TRIO: variants seen among roughly 807,000 people sequenced by gnomAD.
TRIO encodes trio Rho guanine nucleotide exchange factor.
Under a neutral mutation model 351.9 loss-of-function variants are expected in TRIO, and 58 were observed. The observed-to-expected ratio is 0.16, with a 90% CI of 0.13 to 0.21. TRIO has a LOEUF of 0.21. Among genes scored for constraint, TRIO ranks in the 10% least tolerant of loss-of-function variants. The pLI, the probability that TRIO is intolerant of heterozygous loss-of-function variation, is 1.00. For synonymous variants in TRIO, 1,758 were observed against 1,595.7 expected (o/e 1.10, Z -2.42); for missense variants, 3,201 against 4,027.8 (o/e 0.79, Z 5.56).
chr5:14,204,187 T>G (rs1036737942), intron 1 of TRIO, among the ~76,000 whole-genome samples: 1 of 152,232 alleles, frequency 6.6e-6, no homozygotes, highest in Non-Finnish European at 1.5e-5. Context: ...CATCTGTGGT[T>G]GTGCTGCTAG....
chr5:14,198,585 T>C (rs554493199), intron 1 of TRIO, among the ~76,000 whole-genome samples: 1 of 152,320 alleles, frequency 6.6e-6, no homozygotes, highest in East Asian at 1.9e-4. Flanking sequence ...AGAAGTTGGG[T>C]TGGCAACATT....
At chr5:14,178,769 A>G (rs1413405345) in intron 1 of TRIO, among the ~76,000 whole-genome samples, 1 of 152,212 alleles carries the variant, frequency 6.6e-6, no homozygotes, top group Non-Finnish European at 1.5e-5. Context: ...AGTCCAGGAT[A>G]CATAAAGGCA....
intron 1 of TRIO, among the ~76,000 whole-genome samples, chr5:14,240,472 C>G (rs963025461): frequency 1.4e-4 from 21 of 152,178 alleles, no homozygotes; most frequent in African/African-American, 4.1e-4. Flanking sequence ...TCTTTTACAT[C>G]ACAGCAGATT....
chr5:14,435,339 A>T (rs1205851333), intron 34 of TRIO, among the ~76,000 whole-genome samples: 1 of 152,180 alleles, frequency 6.6e-6, no homozygotes, highest in Non-Finnish European at 1.5e-5. Context: ...AAGGGTGCAG[A>T]CTTCCCGAGG....
intron 37 of TRIO, among the ~76,000 whole-genome samples, chr5:14,466,940 C>T (rs1325339176): frequency 6.6e-6 from 1 of 152,140 alleles, no homozygotes; most frequent in Non-Finnish European, 1.5e-5. Flanking sequence ...TTATTCTAAG[C>T]CAGGCGCTGT....
intron 1 of TRIO, among the ~76,000 whole-genome samples, chr5:14,191,877 T>C (rs1313438164): frequency 6.6e-6 from 1 of 152,252 alleles, no homozygotes; most frequent in Non-Finnish European, 1.5e-5. Flanking sequence ...ATTTTGTTGA[T>C]TAACCTTTTT....
chr5:14,146,436 C>G (rs1294637055), intron 1 of TRIO, among the ~76,000 whole-genome samples: 1 of 152,218 alleles, frequency 6.6e-6, no homozygotes, highest in Non-Finnish European at 1.5e-5. Context: ...GTTTGCATGG[C>G]TGCCTGATTT....
chr5:14,365,082 G>A (rs924997654), intron 15 of TRIO, among the ~76,000 whole-genome samples: 1 of 152,190 alleles, frequency 6.6e-6, no homozygotes, highest in African/African-American at 2.4e-5. Flanking sequence ...ACAGCCCTTG[G>A]CTTCTTTCAG....
At chr5:14,245,520 G>T (rs1013451606) in intron 1 of TRIO, among the ~76,000 whole-genome samples, 1 of 152,226 alleles carries the variant, frequency 6.6e-6, no homozygotes, top group Non-Finnish European at 1.5e-5. Context: ...GGTTTCTTGA[G>T]AGCTGTGCTT....
intron 1 of TRIO, among the ~76,000 whole-genome samples, chr5:14,151,544 C>T (rs989820735): frequency 2.6e-5 from 4 of 152,028 alleles, no homozygotes; most frequent in East Asian, 1.9e-4. Context: ...TCAAAGAACT[C>T]GTGTTTCCTA....
rs1159689033 is a variant in TRIO, at chr5:14,479,273, C to T, written c.6166C>T (p.His2056Tyr). Reference protein sequence around the residue: ...SLFVKHERRLHMYIAYCQNKP... With the variant: ...SLFVKHERRLYMYIAYCQNKP... ...TTTTTATTCCTAGGAGAGAAGGTTG[C>T]ACATGTACATAGCTTATTGTCAAAA... The change falls in exon 42 of 57, where the codon CAC becomes TAC. Residue 2056 changes from histidine to tyrosine, a missense_variant. Coordinates refer to ENST00000344204, the MANE Select transcript of TRIO (RefSeq NM_007118.4). The T allele has an allele frequency of 1.9e-6, 3 of 1,613,616 alleles. No homozygotes were observed. The highest frequency in any genetic ancestry group is 2.5e-6 in the Non-Finnish European group (3 of 1,179,848).
At chr5:14,441,047 T>A (rs1209990241) in intron 34 of TRIO, 1 of 152,138 alleles carries the variant, frequency 6.6e-6, no homozygotes, top group African/African-American at 2.4e-5. Context: ...AGGCGCGCGC[T>A]GGGCCGGGCC....
Position 14,461,089 on chromosome 5 carries a change from C to T in TRIO, c.5274C>T (p.Ile1758=). ...ASVASLQPHM[I]GAQSSPGPKR... ...TGGCTTCCCTCCAGCCCCACATGATCGGGGCCCAGAGCTCGCCGGGCCCCA... is the reference window on the plus strand; with the variant it reads ...TGGCTTCCCTCCAGCCCCACATGATTGGGGCCCAGAGCTCGCCGGGCCCCA... The change falls in exon 35 of 57, where the codon ATC becomes ATT. Residue 1758 remains isoleucine, a synonymous_variant. Transcript: ENST00000344204. 1.3e-6 allele frequency: 2 copies of T among 1,573,106 alleles called. No individual in the cohort carries two copies. Among genetic ancestry groups the T allele is most frequent in the Non-Finnish European group, 1.7e-6 (2 of 1,160,206 alleles).
At chr5:14,218,030 A>G (rs1792334488) in intron 1 of TRIO, among the ~76,000 whole-genome samples, 1 of 152,254 alleles carries the variant, frequency 6.6e-6, no homozygotes, top group African/African-American at 2.4e-5. Flanking sequence ...AGTCTTATTA[A>G]TGATTTTTAG....
chr5:14,234,008 C>T (rs772042051), intron 1 of TRIO, among the ~76,000 whole-genome samples: 5 of 152,138 alleles, frequency 3.3e-5, no homozygotes, highest in Non-Finnish European at 5.9e-5. Context: ...GTTTCCCAGG[C>T]TAGTCTCAAA....
chr5:14,190,942 T>G (rs533036234), intron 1 of TRIO, among the ~76,000 whole-genome samples: 5 of 152,202 alleles, frequency 3.3e-5, no homozygotes, highest in African/African-American at 9.7e-5. Context: ...ATTTCCCTCA[T>G]GCATTAGGTA....
chr5:14,231,532 C>T (rs150586771), intron 1 of TRIO, among the ~76,000 whole-genome samples: 38 of 152,256 alleles, frequency 2.5e-4, no homozygotes, highest in Middle Eastern at 3.4e-3. Context: ...TTGTTAACAC[C>T]TCTCTCTGGG....
chr5:14,348,608 T>G (rs1579390438), intron 11 of TRIO, among the ~76,000 whole-genome samples: 1 of 152,268 alleles, frequency 6.6e-6, no homozygotes, highest in Non-Finnish European at 1.5e-5. Context: ...TCAGCATGTG[T>G]GCTTTTCCTG....
intron 1 of TRIO, among the ~76,000 whole-genome samples, chr5:14,254,360 C>G (rs1489576996): frequency 1.3e-5 from 2 of 152,066 alleles, no homozygotes; most frequent in Non-Finnish European, 2.9e-5. Flanking sequence ...TTAGTAGAGA[C>G]GGGGTTTCAC....
Sources: allele counts gnomAD v4.1 joint callset (sites outside exome capture counted in the v4.1 genomes callset), GRCh38; gene constraint gnomAD v4.1.1; transcripts MANE v1.5; gene names NCBI Gene and HGNC (gene_info 2026-07-23, HGNC 2026-07-21).